The following TMEM132C variants were observed in gnomAD, a reference collection of about 807,000 sequenced individuals.
The protein encoded by TMEM132C is protein phosphatase 1, regulatory subunit 152.
TMEM132C carries 29 observed loss-of-function variants against 61.4 expected under a neutral mutation model. The observed-to-expected ratio is 0.47, with a 90% CI of 0.35 to 0.64. The LOEUF (loss-of-function observed/expected upper bound fraction) is 0.64, where lower values mean the gene tolerates loss of function less well. TMEM132C is among the 30% of genes least tolerant of loss of function. The pLI is 0.00. For synonymous variants in TMEM132C, 656 were observed against 633.1 expected, an observed-to-expected ratio of 1.04 and a Z score of -0.54; for missense variants, 1,408 against 1,476.9, an observed-to-expected ratio of 0.95 and a Z score of 0.76.
intron 3 of TMEM132C, among the ~76,000 whole-genome samples, chr12:128,567,429 G>GAC (rs140541188): frequency 0.069 from 9,380 of 136,192 alleles, 370 homozygotes; most frequent in Admixed American, 0.13. Context: ...CATACCCATA[G>GAC]ACACACACAC....
At chr12:128,334,500 C>T (rs1382025015) in intron 1 of TMEM132C, among the ~76,000 whole-genome samples, 1 of 152,160 alleles carries the variant, frequency 6.6e-6, no homozygotes, top group East Asian at 1.9e-4. Context: ...CTTCTAATGT[C>T]ATTATCAAAA....
rs115946207 is a variant in TMEM132C, at chr12:128,574,623, G to A, written c.1121+30520G>A. On this transcript the variant is annotated intron_variant, in intron 3 of 8. Coordinates refer to ENST00000435159, the MANE Select transcript of TMEM132C (RefSeq NM_001136103.3). ...AGTGGCCCCCTTCTGGAGGGCAGGCGAGAGACTTCAGTTCCGGTAAATTGG... is the reference window on the plus strand; with the variant it reads ...AGTGGCCCCCTTCTGGAGGGCAGGCAAGAGACTTCAGTTCCGGTAAATTGG... Among the ~76,000 whole-genome samples the A allele has an allele frequency of 3.3e-3, 507 of 152,324 alleles. 2 individuals are homozygous for A. Among genetic ancestry groups the A allele is most frequent in the African/African-American group, 0.011 (476 of 41,558 alleles).
At chr12:128,280,803 T>G (rs1870866599) in intron 1 of TMEM132C, among the ~76,000 whole-genome samples, 1 of 152,214 alleles carries the variant, frequency 6.6e-6, no homozygotes, top group African/African-American at 2.4e-5. Context: ...GCAAAAGTCA[T>G]ACTGTGTTTC....
chr12:128,459,559 AAAAC>A (rs1477358207), intron 2 of TMEM132C, among the ~76,000 whole-genome samples: 3 of 152,118 alleles, frequency 2.0e-5, no homozygotes, highest in Non-Finnish European at 4.4e-5. Context: ...GAAAATAAGA[AAAAC>A]AGACAGAAGA....
intron 1 of TMEM132C, among the ~76,000 whole-genome samples, chr12:128,340,669 C>A (rs1189390391): frequency 6.6e-6 from 1 of 152,124 alleles, no homozygotes; most frequent in African/African-American, 2.4e-5. Context: ...ATACTGCTCA[C>A]CATCCTGATA....
chr12:128,576,913 A>G (rs1456150925), intron 3 of TMEM132C, among the ~76,000 whole-genome samples: 1 of 152,180 alleles, frequency 6.6e-6, no homozygotes, highest in East Asian at 1.9e-4. Flanking sequence ...TTCTCATGGT[A>G]CATTTTATTG....
chr12:128,491,429 G>T (rs1871716519), intron 2 of TMEM132C, among the ~76,000 whole-genome samples: 1 of 152,154 alleles, frequency 6.6e-6, no homozygotes. Flanking sequence ...CAATGTCAGT[G>T]GGCTGCTTGT....
intron 1 of TMEM132C, among the ~76,000 whole-genome samples, chr12:128,402,848 A>T (rs147904574): frequency 1.3e-5 from 2 of 152,204 alleles, no homozygotes; most frequent in Non-Finnish European, 2.9e-5. Flanking sequence ...GTGCTGATGA[A>T]GTCCAAGACT....
rs139100325 is a variant in TMEM132C at position 128,268,341 on chromosome 12, C to T, written c.85+854C>T. On this transcript the variant is annotated intron_variant, in intron 1 of 8. Transcript: ENST00000435159. The stretch of plus-strand genomic sequence containing the variant: ...CCTTTTTTATTATGTGCGTGTGCGG[C>T]CGAGTGGCCGCGCGGATGCGGCGGC... Among the ~76,000 whole-genome samples the T allele has an allele frequency of 3.6e-3, 545 of 152,312 alleles. 2 individuals are homozygous for T. Among genetic ancestry groups the T allele is most frequent in the Middle Eastern group, 0.017 (5 of 292 alleles).
rs565639797 is a variant in TMEM132C, at chr12:128,331,374, T to TAG, written c.85+63889_85+63890dup. On this transcript the variant is annotated intron_variant, in intron 1 of 8. Transcript: ENST00000435159. Reference sequence around the variant, plus strand: ...TGCATGGTGGCCAAATCAGGGCTTTTAGAACATCCAACATGCGAATAATGT... The same window carrying TAG: ...TGCATGGTGGCCAAATCAGGGCTTTTAGAGAACATCCAACATGCGAATAATGT... 1.5e-4 allele frequency among the ~76,000 whole-genome samples: 23 copies of TAG among 152,364 alleles called. No individual in the cohort carries two copies. In the East Asian group the frequency reaches 3.3e-3, roughly 22 times the overall value.
intron 5 of TMEM132C, among the ~76,000 whole-genome samples, chr12:128,686,180 G>A (rs748770686): frequency 3.9e-5 from 6 of 152,096 alleles, no homozygotes; most frequent in South Asian, 2.1e-4. Flanking sequence ...TAGTGTTGGC[G>A]GCACTGGGTG....
At chr12:128,645,118 GA>G (rs1954186149) in intron 4 of TMEM132C, among the ~76,000 whole-genome samples, 2 of 152,160 alleles carry the variant, frequency 1.3e-5, no homozygotes, top group Non-Finnish European at 2.9e-5. Context: ...CCTGAGGGGG[GA>G]CTCCTGGCCG....
At chr12:128,345,355 T>C (rs905364983) in intron 1 of TMEM132C, among the ~76,000 whole-genome samples, 1 of 152,230 alleles carries the variant, frequency 6.6e-6, no homozygotes, top group Non-Finnish European at 1.5e-5. Flanking sequence ...TGAATAGTGC[T>C]GCAGTGAACG....
chr12:128,519,001 G>A (rs2136125940), intron 2 of TMEM132C, among the ~76,000 whole-genome samples: 1 of 152,318 alleles, frequency 6.6e-6, no homozygotes, highest in East Asian at 1.9e-4. Context: ...GGTATTTGGT[G>A]TGGAGAGAGT....
chr12:128,641,280 C>A (rs1954156104), intron 4 of TMEM132C, among the ~76,000 whole-genome samples: 1 of 152,180 alleles, frequency 6.6e-6, no homozygotes, highest in Non-Finnish European at 1.5e-5. Flanking sequence ...ACAACAACTG[C>A]AGACATGTCC....
intron 2 of TMEM132C, among the ~76,000 whole-genome samples, chr12:128,424,881 A>C (rs1397912113): frequency 3.0e-4 from 46 of 152,178 alleles, no homozygotes; most frequent in Admixed American, 3.0e-3. Context: ...ATTACTTGAC[A>C]AGGTTCTTAG....
intron 1 of TMEM132C, among the ~76,000 whole-genome samples, chr12:128,302,001 G>A (rs1871615313): frequency 6.6e-6 from 1 of 152,232 alleles, no homozygotes; most frequent in African/African-American, 2.4e-5. Flanking sequence ...AACTGTATGG[G>A]GGAAGCTGCC....
intron 1 of TMEM132C, among the ~76,000 whole-genome samples, chr12:128,369,537 G>T (rs1437697222): frequency 6.6e-6 from 1 of 152,142 alleles, no homozygotes; most frequent in African/African-American, 2.4e-5. Context: ...GCTTAACTAG[G>T]GCTGTTTAAC....
At chr12:128,591,612 T>C (rs1875752999) in intron 3 of TMEM132C, among the ~76,000 whole-genome samples, 1 of 152,024 alleles carries the variant, frequency 6.6e-6, no homozygotes, top group Non-Finnish European at 1.5e-5. Context: ...CACTTAGGAG[T>C]AGAATTTCTG....
Sources: gnomAD v4.1 joint callset for allele counts (sites outside exome capture counted in the v4.1 genomes callset) on GRCh38, gnomAD v4.1.1 for gene constraint, MANE v1.5 for transcripts, NCBI Gene and HGNC (gene_info 2026-07-23, HGNC 2026-07-21) for gene names.